The following NALF1 variants were observed in gnomAD, a reference collection of about 807,000 sequenced individuals.
The protein encoded by NALF1 is NALCN channel auxiliary factor 1.
A neutral mutation model predicts 48.4 loss-of-function variants in NALF1; 3 were observed. The observed-to-expected ratio is 0.06, with a 90% CI of 0.03 to 0.16. The LOEUF (loss-of-function observed/expected upper bound fraction) is 0.16. NALF1 is among the 10% of genes least tolerant of loss of function. NALF1 has a pLI of 1.00. For missense variants in NALF1, 526 were observed against 571.5 expected (o/e 0.92, Z 0.81); for synonymous variants, 262 against 245.7 (o/e 1.07, Z -0.62).
chr13:107,679,116 G>A (rs904120749), intron 1 of NALF1, among the ~76,000 whole-genome samples: 1 of 152,074 alleles, frequency 6.6e-6, no homozygotes, highest in African/African-American at 2.4e-5. Flanking sequence ...TATATTTTGT[G>A]TAATCTGGGA....
rs185063164 is a variant in NALF1 at position 107,182,676 on chromosome 13, A to G, written c.1088-11890T>C. Among the ~76,000 whole-genome samples the G allele has an allele frequency of 2.1e-3, 327 of 152,326 alleles. 2 individuals are homozygous for G. The highest frequency in any genetic ancestry group is 7.3e-3 in the African/African-American group (305 of 41,584). ...TAAAAAATCGCACACACTTGAACTT[A>G]TATTTGTCTACTTAATGAAGATCAT... On this transcript the variant is annotated intron_variant, in intron 2 of 2. Transcript: ENST00000375915.
In NALF1 at chr13:107,866,858, C is replaced by G; in HGVS notation, c.-262G>C. On this transcript the variant is annotated 5_prime_UTR_variant, in exon 1 of 3. An upstream start codon of the reference 5' UTR is lost. Transcript: ENST00000375915. This position sits in a 1 kb window ranked among gnomAD's most constrained non-coding sequence, Gnocchi z 4.4. ...AGGAAGGTCTGACTTGCTTCCTAAT[C>G]ATCAGCCGACCCCATCCTCTGTAGA... 1.9e-6 allele frequency: 1 copy of G among 515,402 alleles called. No homozygotes were observed. Among genetic ancestry groups the G allele is most frequent in the East Asian group, 3.3e-5 (1 of 30,258 alleles). 31.9% of individuals were successfully genotyped at this position (515,402 alleles called of 1,614,324 possible). A position where few individuals can be genotyped will look rare whatever the true frequency, so the allele number is the denominator to read the frequency against.
At chr13:107,695,813 A>G (rs1399694191) in intron 1 of NALF1, among the ~76,000 whole-genome samples, 1 of 152,214 alleles carries the variant, frequency 6.6e-6, no homozygotes, top group Non-Finnish European at 1.5e-5. Context: ...AGTTTTCAGC[A>G]CACTGCCTGG....
intron 1 of NALF1, among the ~76,000 whole-genome samples, chr13:107,471,248 T>C (rs1379936127): frequency 6.6e-6 from 1 of 151,554 alleles, no homozygotes; most frequent in Non-Finnish European, 1.5e-5. Context: ...ATTGGCAATT[T>C]TTAAAAATGC....
chr13:107,659,803 T>G (rs1215348425), intron 1 of NALF1, among the ~76,000 whole-genome samples: 3 of 147,744 alleles, frequency 2.0e-5, no homozygotes, highest in African/African-American at 7.6e-5. Flanking sequence ...AAGTATAAAT[T>G]GCCAAACATT....
Position 107,783,179 on chromosome 13 carries a change from C to T in NALF1, c.915+82503G>A, listed in dbSNP as rs1403796230. Among the ~76,000 whole-genome samples the T allele has an allele frequency of 4.8e-5, 6 of 125,258 alleles. No homozygotes were observed. The East Asian group carries it at 8.3e-4, about 17-fold the overall frequency. The allele number at this position is 125,258 out of a possible 152,430, so 82.2% of individuals were successfully genotyped here. On this transcript the variant is annotated intron_variant, in intron 1 of 2. Coordinates refer to ENST00000375915, the MANE Select transcript of NALF1 (RefSeq NM_001080396.3). ...CCTCTGCCCGGCCAGCCGCCCCGTC[C>T]GGGAGGGAGGTGGGGGGTCAGTCCC...
intron 1 of NALF1, among the ~76,000 whole-genome samples, chr13:107,340,056 G>T (rs556493010): frequency 6.6e-6 from 1 of 152,222 alleles, no homozygotes; most frequent in East Asian, 1.9e-4. Flanking sequence ...CTAAAATAAA[G>T]GTGGTGCTGA....
At chr13:107,827,498 C>T (rs1485603160) in intron 1 of NALF1, among the ~76,000 whole-genome samples, 1 of 152,178 alleles carries the variant, frequency 6.6e-6, no homozygotes, top group African/African-American at 2.4e-5. Flanking sequence ...GAGCTAAATC[C>T]AGTGCTTCCC....
At chr13:107,628,376 C>T (rs1186778868) in intron 1 of NALF1, among the ~76,000 whole-genome samples, 1 of 152,126 alleles carries the variant, frequency 6.6e-6, no homozygotes, top group Non-Finnish European at 1.5e-5. Flanking sequence ...TCCCAGTTCC[C>T]ACTTTTGCTT....
intron 1 of NALF1, among the ~76,000 whole-genome samples, chr13:107,560,523 T>C (rs1877614533): frequency 6.6e-6 from 1 of 152,202 alleles, no homozygotes; most frequent in East Asian, 1.9e-4. Context: ...TTTCATTTAG[T>C]TTTTTAAAGG....
At chr13:107,461,650 T>C (rs1344172139) in intron 1 of NALF1, among the ~76,000 whole-genome samples, 1 of 152,242 alleles carries the variant, frequency 6.6e-6, no homozygotes, top group East Asian at 1.9e-4. Flanking sequence ...TGAATTATGC[T>C]AGCAAATCTC....
chr13:107,864,560 T>C (rs1880659948), intron 1 of NALF1, among the ~76,000 whole-genome samples: 1 of 152,220 alleles, frequency 6.6e-6, no homozygotes. Context: ...AGAGAGAGAA[T>C]GTGGTGTATT....
At chr13:107,464,103 T>C (rs1289588321) in intron 1 of NALF1, among the ~76,000 whole-genome samples, 1 of 152,136 alleles carries the variant, frequency 6.6e-6, no homozygotes, top group Non-Finnish European at 1.5e-5. Flanking sequence ...ACCAGGCAAG[T>C]GGGTGAGATT....
At chr13:107,172,413 C>T (rs746736137) in intron 2 of NALF1, among the ~76,000 whole-genome samples, 2 of 152,090 alleles carry the variant, frequency 1.3e-5, no homozygotes, top group Non-Finnish European at 2.9e-5. Context: ...GCATTTATTG[C>T]ATGAATAAAC....
At chr13:107,433,488 T>A (rs767297344) in intron 1 of NALF1, among the ~76,000 whole-genome samples, 14 of 152,146 alleles carry the variant, frequency 9.2e-5, no homozygotes, top group Non-Finnish European at 1.9e-4. Flanking sequence ...TTAGTTATTT[T>A]TTAACTGGAA....
At chr13:107,707,157 C>G (rs1427708911) in intron 1 of NALF1, among the ~76,000 whole-genome samples, 2 of 151,614 alleles carry the variant, frequency 1.3e-5, no homozygotes, top group Non-Finnish European at 2.9e-5. Context: ...CTCCTGACCT[C>G]GTGATCCGCC....
intron 2 of NALF1, among the ~76,000 whole-genome samples, chr13:107,179,789 G>C (rs980781179): frequency 6.6e-6 from 1 of 151,178 alleles, no homozygotes; most frequent in Non-Finnish European, 1.5e-5. Flanking sequence ...TTCTTCCTGG[G>C]CCCTTCCCAG....
chr13:107,225,213 T>C (rs1880077785), intron 1 of NALF1, among the ~76,000 whole-genome samples: 1 of 152,174 alleles, frequency 6.6e-6, no homozygotes, highest in Non-Finnish European at 1.5e-5. Context: ...TTCACCATGT[T>C]GGCCAGGCTG....
intron 1 of NALF1, among the ~76,000 whole-genome samples, chr13:107,606,381 T>TA (rs1879071346): frequency 6.6e-6 from 1 of 151,534 alleles, no homozygotes; most frequent in Non-Finnish European, 1.5e-5. Context: ...ATATATATAT[T>TA]TTGAGATGGA....
Sources: allele counts gnomAD v4.1 joint callset (sites outside exome capture counted in the v4.1 genomes callset), GRCh38; gene constraint gnomAD v4.1.1; non-coding constraint Gnocchi (gnomAD v3.1); transcripts MANE v1.5; gene names NCBI Gene and HGNC (gene_info 2026-07-23, HGNC 2026-07-21).